SVIL: variants seen among roughly 807,000 people sequenced by gnomAD.
SVIL encodes supervillin, also known as archvillin.
In SVIL, 101 loss-of-function variants were observed where a neutral mutation model predicts 240.4. The observed-to-expected ratio is 0.42, with a 90% CI of 0.36 to 0.50. SVIL has a LOEUF of 0.50. Among genes scored for constraint, SVIL ranks in the 20% least tolerant of loss-of-function variants. The pLI is 0.01. For missense variants in SVIL, 2,512 were observed against 2,818.7 expected (o/e 0.89, Z 2.46); for synonymous variants, 999 against 1,100.0 (o/e 0.91, Z 1.82).
At chr10:29,528,314 G>T (rs1302412659) in intron 12 of SVIL, among the ~76,000 whole-genome samples, 1 of 152,172 alleles carries the variant, frequency 6.6e-6, no homozygotes, top group Non-Finnish European at 1.5e-5. Flanking sequence ...CTAACAGCAG[G>T]TCTACAGAAC....
chr10:29,542,094 C>A (rs1179520226), intron 6 of SVIL, among the ~76,000 whole-genome samples: 1 of 152,158 alleles, frequency 6.6e-6, no homozygotes, highest in Non-Finnish European at 1.5e-5. Flanking sequence ...TTCTTCACAG[C>A]TTGATTTTCT....
intron 18 of SVIL, 30 bp downstream of exon 18, chr10:29,499,086 C>T (rs779406717): frequency 1.3e-6 from 2 of 1,597,760 alleles, no homozygotes; most frequent in Non-Finnish European, 1.7e-6. Flanking sequence ...ATTGTGCACA[C>T]ACCACACACA....
intron 1 of SVIL, among the ~76,000 whole-genome samples, chr10:29,732,550 T>C (rs1242601007): frequency 6.6e-6 from 1 of 152,254 alleles, no homozygotes; most frequent in Non-Finnish European, 1.5e-5. Flanking sequence ...AACTGACCTA[T>C]GCTTCATGCT....
At chr10:29,684,109 T>A (rs1376984083) in intron 2 of SVIL, among the ~76,000 whole-genome samples, 1 of 151,798 alleles carries the variant, frequency 6.6e-6, no homozygotes, top group East Asian at 1.9e-4. Flanking sequence ...ATAGAGAAAC[T>A]GTAGAATTCC....
intron 29 of SVIL, among the ~76,000 whole-genome samples, chr10:29,476,482 A>C (rs1200707673): frequency 2.0e-5 from 3 of 152,066 alleles, no homozygotes; most frequent in African/African-American, 7.2e-5. Flanking sequence ...GTATGACCAT[A>C]GCTCACTGCA....
At chr10:29,712,878 T>G (rs1280641267) in intron 1 of SVIL, among the ~76,000 whole-genome samples, 1 of 152,086 alleles carries the variant, frequency 6.6e-6, no homozygotes, top group African/African-American at 2.4e-5. Flanking sequence ...TTATGAACAT[T>G]AAAACTGCAA....
At chr10:29,506,734 G>GGGACAGAGGTCCTAGAGGGAAA (rs2132463160) in intron 17 of SVIL, among the ~76,000 whole-genome samples, 1 of 146,260 alleles carries the variant, frequency 6.8e-6, no homozygotes, top group African/African-American at 2.5e-5. Flanking sequence ...TACGAAGGAG[G>GGGACAGAGGTCCTAGAGGGAAA]GGACAGAGGC....
intron 1 of SVIL, among the ~76,000 whole-genome samples, chr10:29,613,665 G>T (rs1957332660): frequency 6.6e-6 from 1 of 152,112 alleles, no homozygotes; most frequent in African/African-American, 2.4e-5. Context: ...ATCCAATTTG[G>T]AAAACAATAA....
chr10:29,516,068 T>C lies in SVIL; in HGVS notation c.3390-3207A>G, dbSNP rs370598875. ...TGACTGCAGCCCTCGCCTGCCTGTG[T>C]GTAGCTTGTTTCACTTCGGTAGAAC... On this transcript the variant is annotated intron_variant, in intron 16 of 37. Coordinates refer to ENST00000355867, the MANE Select transcript of SVIL (RefSeq NM_021738.3). Among the ~76,000 whole-genome samples the C allele has an allele frequency of 3.2e-3, 484 of 149,992 alleles. 8 individuals are homozygous for C. In the South Asian group the frequency reaches 0.046, roughly 14 times the overall value.
intron 1 of SVIL, among the ~76,000 whole-genome samples, chr10:29,601,803 G>T (rs997080643): frequency 2.6e-5 from 4 of 152,216 alleles, no homozygotes; most frequent in African/African-American, 7.2e-5. Flanking sequence ...TCCGCACCAT[G>T]CAGGCTTCTG....
rs1015718104 is a variant in SVIL, at chr10:29,522,787, T to C, written c.3164-152A>G. The stretch of plus-strand genomic sequence containing the variant: ...GGATTTATGCAAATCTGCAGCACGC[T>C]ACACTCTGTGAGAAAACCAAACTTC... On this transcript the variant is annotated intron_variant, in intron 15 of 37. Transcript: ENST00000355867. The C allele has an allele frequency of 1.8e-5, 16 of 888,494 alleles. No homozygotes were observed. The East Asian group carries it at 4.0e-4, about 22-fold the overall frequency. The allele number at this position is 888,494 out of a possible 1,614,324, so 55.0% of individuals were successfully genotyped here.
chr10:29,690,704 T>C (rs1202289560), intron 1 of SVIL, among the ~76,000 whole-genome samples: 1 of 152,234 alleles, frequency 6.6e-6, no homozygotes. Context: ...CATAATAATG[T>C]ATTTATCATC....
chr10:29,554,746 G>A (rs373339084), intron 5 of SVIL, 37 bp downstream of exon 5: 1 of 1,496,144 alleles, frequency 6.7e-7, no homozygotes, highest in East Asian at 2.3e-5. Context: ...CAGCCAGGCA[G>A]CCTGCTGGAA....
At chr10:29,587,257 A>G (rs1956208562) in intron 1 of SVIL, among the ~76,000 whole-genome samples, 1 of 152,238 alleles carries the variant, frequency 6.6e-6, no homozygotes, top group Non-Finnish European at 1.5e-5. Flanking sequence ...ACTATCATTA[A>G]TAGAACAGTA....
At chr10:29,688,125 A>G (rs1961230769) in intron 1 of SVIL, among the ~76,000 whole-genome samples, 1 of 152,222 alleles carries the variant, frequency 6.6e-6, no homozygotes, top group Non-Finnish European at 1.5e-5. Flanking sequence ...TGAACAAACT[A>G]TTTTCCCCCA....
intron 3 of SVIL, among the ~76,000 whole-genome samples, chr10:29,655,338 G>A (rs1958965458): frequency 6.6e-6 from 1 of 152,132 alleles, no homozygotes; most frequent in Non-Finnish European, 1.5e-5. Flanking sequence ...CAAGCCACTG[G>A]TGCAAGTCCC....
chr10:29,663,664 G>A (rs1016755880), intron 2 of SVIL, among the ~76,000 whole-genome samples: 6 of 152,142 alleles, frequency 3.9e-5, no homozygotes, highest in Admixed American at 2.6e-4. Context: ...GTTGAGAGAC[G>A]CCTATATTCC....
intron 2 of SVIL, among the ~76,000 whole-genome samples, chr10:29,678,647 T>C (rs1960390518): frequency 6.6e-6 from 1 of 152,242 alleles, no homozygotes; most frequent in Non-Finnish European, 1.5e-5. Flanking sequence ...GCCAAGAGGC[T>C]GTTCCCTGGA....
intron 32 of SVIL, 63 bp downstream of exon 32, chr10:29,470,213 G>C (rs1945400031): frequency 6.3e-7 from 1 of 1,584,694 alleles, no homozygotes; most frequent in Non-Finnish European, 8.6e-7. Flanking sequence ...GTACCCCTGA[G>C]CCTGCCCCGT....
Sources: allele counts gnomAD v4.1 joint callset (sites outside exome capture counted in the v4.1 genomes callset), GRCh38; gene constraint gnomAD v4.1.1; transcripts MANE v1.5; gene names NCBI Gene and HGNC (gene_info 2026-07-23, HGNC 2026-07-21).